CLIC5: variants seen among roughly 807,000 people sequenced by gnomAD.
CLIC5 encodes chloride intracellular channel protein 5.
In CLIC5, 20 loss-of-function variants were observed where a neutral mutation model predicts 24.7. The observed-to-expected ratio is 0.81, with a 90% CI of 0.57 to 1.18. The LOEUF is 1.18. CLIC5 is among the 50% of genes most tolerant of loss of function. The pLI is 0.00. For synonymous variants in CLIC5, 159 were observed against 135.6 expected (o/e 1.17, Z -1.20); for missense variants, 341 against 326.1 (o/e 1.05, Z -0.35).
intron 1 of CLIC5, among the ~76,000 whole-genome samples, chr6:45,956,353 G>A (rs938313353): frequency 5.3e-5 from 8 of 152,146 alleles, no homozygotes; most frequent in Admixed American, 3.3e-4. Context: ...CATGGCCCCC[G>A]CAGGTGGCCT....
At chr6:46,065,981 G>A (rs758091511) in intron 1 of CLIC5, among the ~76,000 whole-genome samples, 35 of 152,236 alleles carry the variant, frequency 2.3e-4, no homozygotes, top group Non-Finnish European at 4.7e-4. Flanking sequence ...ATGCATTTGT[G>A]TCAAATAAAA....
At chr6:46,062,414 T>C (rs1581911547) in intron 1 of CLIC5, among the ~76,000 whole-genome samples, 1 of 152,258 alleles carries the variant, frequency 6.6e-6, no homozygotes, top group East Asian at 1.9e-4. Context: ...TCTTAAACAA[T>C]GTACTGTCTT....
chr6:45,916,135 A>G (rs1763023547), intron 4 of CLIC5, among the ~76,000 whole-genome samples: 1 of 152,190 alleles, frequency 6.6e-6, no homozygotes, highest in Non-Finnish European at 1.5e-5. Flanking sequence ...ACACCAGCCC[A>G]AGATAAATCA....
At position 45,941,338 on chromosome 6, in the gene CLIC5, C is replaced by T. The variant is rs975438920; in HGVS notation, c.406+209G>A. On this transcript the variant is annotated intron_variant, in intron 4 of 5. Coordinates refer to ENST00000339561, the MANE Select transcript of CLIC5 (RefSeq NM_016929.5). ...GTAAAGCCCCAAGCCTTTCCTCCTG[C>T]ACCAGCTAGGCAGCAGCATCCACCA... 1.6e-4 allele frequency among the ~76,000 whole-genome samples: 24 copies of T among 152,134 alleles called. 1 individual carries two copies. Among genetic ancestry groups the T allele is most frequent in the Non-Finnish European group, 2.8e-4 (19 of 68,034 alleles).
At chr6:45,938,994 T>C (rs1764034800) in intron 4 of CLIC5, among the ~76,000 whole-genome samples, 1 of 152,080 alleles carries the variant, frequency 6.6e-6, no homozygotes, top group South Asian at 2.1e-4. Flanking sequence ...CCATATTCAT[T>C]TCCTAGGACT....
intron 1 of CLIC5, among the ~76,000 whole-genome samples, chr6:46,067,883 G>A (rs1196199227): frequency 6.6e-6 from 1 of 152,156 alleles, no homozygotes; most frequent in African/African-American, 2.4e-5. Context: ...CCTTCAGACA[G>A]TAGTGGGTTG....
chr6:46,005,705 T>C (rs1766527915), intron 1 of CLIC5, among the ~76,000 whole-genome samples: 1 of 151,920 alleles, frequency 6.6e-6, no homozygotes, highest in South Asian at 2.1e-4. Flanking sequence ...GGGAGGTGAT[T>C]AGGTCATGAG....
chr6:46,121,555 T>C, the CLIC5 span, among the ~76,000 whole-genome samples: 1 of 152,182 alleles, frequency 6.6e-6, no homozygotes, highest in Admixed American at 6.5e-5. Context: ...AACATCATAA[T>C]GACAGGATCA....
At chr6:45,897,548 A>G (rs1361168822), downstream of CLIC5, among the ~76,000 whole-genome samples, 6 of 152,150 alleles carry the variant, frequency 3.9e-5, no homozygotes, top group African/African-American at 1.4e-4. Flanking sequence ...ACCTGTCCTG[A>G]GACCCTAGCT....
At chr6:46,085,852 G>C in the CLIC5 span, among the ~76,000 whole-genome samples, 1 of 152,228 alleles carries the variant, frequency 6.6e-6, no homozygotes, top group Non-Finnish European at 1.5e-5. Context: ...CAGAGGTGGA[G>C]CCTACAGAGG....
chr6:46,037,414 A>G (rs1767692727), intron 1 of CLIC5, among the ~76,000 whole-genome samples: 1 of 152,230 alleles, frequency 6.6e-6, no homozygotes, highest in South Asian at 2.1e-4. Context: ...AGGAATGAAT[A>G]AATAAATAAG....
At chr6:45,926,243 ATTTTATT>A (rs1383656947) in intron 4 of CLIC5, among the ~76,000 whole-genome samples, 1,739 of 141,628 alleles carry the variant, frequency 0.012, 20 homozygotes, top group Admixed American at 0.03. Flanking sequence ...ATATATATAT[ATTTTATT>A]TTTTTTATTT....
At chr6:46,090,498 C>CA in the CLIC5 span, among the ~76,000 whole-genome samples, 1 of 151,546 alleles carries the variant, frequency 6.6e-6, no homozygotes, top group Admixed American at 6.6e-5. Context: ...ATCTATGTGT[C>CA]ACTTTAGTTT....
In CLIC5 at chr6:45,955,147, A is replaced by G. The variant is rs1764600743; in HGVS notation, c.161T>C (p.Val54Ala). The change falls in exon 2 of 6, where the codon GTG becomes GCG. Residue 54 changes from valine (V) to alanine (A), a missense_variant. Physicochemically the swap from Val to Ala is moderately conservative, Grantham distance 64. Coordinates refer to ENST00000339561, the MANE Select transcript of CLIC5 (RefSeq NM_016929.5). ...LKGVVFNVTT[V>A]DLKRKPADLH... The stretch of plus-strand genomic sequence containing the variant: ...CAACGTACGTTACCTTTTCAGATCC[A>G]CAGTGGTGACATTGAACACGACTCC... 1.2e-6 allele frequency: 2 copies of G among 1,611,800 alleles called. No individual in the cohort carries two copies. Among genetic ancestry groups the G allele is most frequent in the Non-Finnish European group, 8.5e-7 (1 of 1,178,010 alleles).
chr6:46,114,643 G>T, the CLIC5 span, among the ~76,000 whole-genome samples: 1 of 152,000 alleles, frequency 6.6e-6, no homozygotes, highest in South Asian at 2.1e-4. Context: ...TTTTCAAGGG[G>T]TCCTCCTGCC....
At chr6:45,895,291 AC>A (rs1314651475), downstream of CLIC5, among the ~76,000 whole-genome samples, 2 of 152,154 alleles carry the variant, frequency 1.3e-5, no homozygotes, top group Admixed American at 1.3e-4. Flanking sequence ...TAAATATAAC[AC>A]CTAATCTAGG....
intron 4 of CLIC5, among the ~76,000 whole-genome samples, chr6:45,933,130 G>A (rs1211315252): frequency 6.6e-6 from 1 of 152,226 alleles, no homozygotes; most frequent in Non-Finnish European, 1.5e-5. Context: ...TCTGATGTGA[G>A]CCTTAGGGAG....
At position 45,994,197 on chromosome 6, in the gene CLIC5, T is replaced by C. The variant is rs929361724; in HGVS notation, c.63+21283A>G. Among the ~76,000 whole-genome samples the C allele has an allele frequency of 3.3e-5, 5 of 152,200 alleles. No homozygotes were observed. In the East Asian group the frequency reaches 7.7e-4, roughly 23 times the overall value. On this transcript the variant is annotated intron_variant, in intron 1 of 5. Transcript: ENST00000339561. ...GATAACAGTTAACTGTCTTACATGT[T>C]GTTGCTCAGGTAGTGAATGACATGA...
intron 4 of CLIC5, among the ~76,000 whole-genome samples, chr6:45,924,632 T>C (rs1479983761): frequency 2.0e-5 from 3 of 152,158 alleles, no homozygotes; most frequent in Non-Finnish European, 4.4e-5. Flanking sequence ...TGTGTCCTTT[T>C]TGGCAATGGC....
Sources: allele counts gnomAD v4.1 joint callset (sites outside exome capture counted in the v4.1 genomes callset), GRCh38; gene constraint gnomAD v4.1.1; transcripts MANE v1.5; gene names NCBI Gene and HGNC (gene_info 2026-07-23, HGNC 2026-07-21).